The following GRIK4 variants were observed in gnomAD, a reference collection of about 807,000 sequenced individuals.
The protein encoded by GRIK4 is glutamate receptor ionotropic, kainate 4.
GRIK4 carries 40 observed loss-of-function variants against 104.9 expected under a neutral mutation model. That is an observed-to-expected ratio of 0.38 (90% CI 0.30 to 0.50). The LOEUF (loss-of-function observed/expected upper bound fraction) is 0.50. Ranked by LOEUF, GRIK4 falls within the 20% of genes least tolerant of loss-of-function variation. The probability of loss-of-function intolerance (pLI) is 0.93; values close to 1 mark genes in which losing one functional copy is unlikely to be tolerated. For missense variants in GRIK4, 1,047 were observed against 1,308.1 expected, an observed-to-expected ratio of 0.80 and a Z score of 3.08; for synonymous variants, 485 against 524.9, an observed-to-expected ratio of 0.92 and a Z score of 1.04.
intron 5 of GRIK4, among the ~76,000 whole-genome samples, chr11:120,817,354 C>T (rs1024357452): frequency 2.1e-4 from 32 of 152,340 alleles, no homozygotes; most frequent in Non-Finnish European, 5.9e-5. Flanking sequence ...GACTGCACTG[C>T]CCTGGGAGTG....
chr11:120,832,552 C>T (rs922258164), intron 7 of GRIK4, among the ~76,000 whole-genome samples: 1 of 152,186 alleles, frequency 6.6e-6, no homozygotes, highest in African/African-American at 2.4e-5. Context: ...GGTATAATGT[C>T]TTCCCTCACA....
chr11:120,581,945 T>A (rs1378484710), intron 1 of GRIK4, among the ~76,000 whole-genome samples: 3 of 152,072 alleles, frequency 2.0e-5, no homozygotes, highest in Non-Finnish European at 4.4e-5. Context: ...TAGCTGGGAC[T>A]ACAGGTGCCC....
chr11:120,962,351 AAGC>A, intron 17 of GRIK4, 102 bp from the exon 18 acceptor site: 1 of 690,290 alleles, frequency 1.4e-6, no homozygotes, highest in Admixed American at 2.5e-5. Flanking sequence ...GCGGGTGGAG[AAGC>A]AGAAGGGCCG....
intron 19 of GRIK4, among the ~76,000 whole-genome samples, chr11:120,978,447 CA>C (rs1187709685): frequency 6.6e-6 from 1 of 151,864 alleles, no homozygotes; most frequent in East Asian, 1.9e-4. Context: ...TTAACAGGAG[CA>C]AAGGTATGGA....
chr11:120,779,747 A>G (rs1952114810), intron 3 of GRIK4, among the ~76,000 whole-genome samples: 1 of 152,162 alleles, frequency 6.6e-6, no homozygotes, highest in African/African-American at 2.4e-5. Flanking sequence ...AAATCAAATC[A>G]TTGCTTCTCA....
At chr11:120,810,618 CTT>C (rs1295155747) in intron 4 of GRIK4, among the ~76,000 whole-genome samples, 1 of 151,868 alleles carries the variant, frequency 6.6e-6, no homozygotes, top group Non-Finnish European at 1.5e-5. Context: ...GAATAAAAAC[CTT>C]TTTATTAATA....
intron 3 of GRIK4, among the ~76,000 whole-genome samples, chr11:120,753,857 T>C (rs1308220416): frequency 6.6e-6 from 1 of 152,218 alleles, no homozygotes; most frequent in Non-Finnish European, 1.5e-5. Context: ...GTTTTTAATG[T>C]ATTTTAATGT....
rs143471218 is a variant in GRIK4, at chr11:120,929,494, AAGAC to A, written c.1477-10850_1477-10847del. 8.2e-3 allele frequency among the ~76,000 whole-genome samples: 1,246 copies of A among 152,250 alleles called. 29 individuals are homozygous for A. Among genetic ancestry groups the A allele is most frequent in the African/African-American group, 0.027 (1,141 of 41,542 alleles). On this transcript the variant is annotated intron_variant, in intron 13 of 20. Coordinates refer to ENST00000527524, the MANE Select transcript of GRIK4 (RefSeq NM_014619.5). ...AGCCGCCCGCAGGTAAACTGATCAA[AAGAC>A]AGGAAGTGAGCAGATAATCTAATTT...
At chr11:120,878,080 G>T (rs560562188) in intron 11 of GRIK4, among the ~76,000 whole-genome samples, 1 of 152,164 alleles carries the variant, frequency 6.6e-6, no homozygotes, top group Non-Finnish European at 1.5e-5. Flanking sequence ...AAGAAACAGC[G>T]TCATCAGCCC....
chr11:120,523,665 TG>T (rs1478646281), intron 1 of GRIK4, among the ~76,000 whole-genome samples: 1 of 152,212 alleles, frequency 6.6e-6, no homozygotes, highest in Non-Finnish European at 1.5e-5. Context: ...CAGCTGAACC[TG>T]GGCTTTGTGG....
intron 3 of GRIK4, among the ~76,000 whole-genome samples, chr11:120,735,107 T>C (rs1190744733): frequency 3.3e-5 from 5 of 152,200 alleles, no homozygotes; most frequent in Non-Finnish European, 5.9e-5. Context: ...AGGTCATGTT[T>C]TCCTGGCTGG....
chr11:120,544,390 G>C (rs1288477365), intron 1 of GRIK4, among the ~76,000 whole-genome samples: 6 of 152,074 alleles, frequency 3.9e-5, no homozygotes, highest in African/African-American at 4.8e-5. Flanking sequence ...GAGTGCAGTG[G>C]CATGATCTTG....
At chr11:120,880,226 C>T (rs1954929768) in intron 11 of GRIK4, among the ~76,000 whole-genome samples, 2 of 152,222 alleles carry the variant, frequency 1.3e-5, no homozygotes, top group Non-Finnish European at 2.9e-5. Context: ...ACTAGAATTG[C>T]ATGGCACAGT....
intron 1 of GRIK4, among the ~76,000 whole-genome samples, chr11:120,571,192 C>G (rs1012435353): frequency 1.3e-5 from 2 of 152,220 alleles, no homozygotes; most frequent in Non-Finnish European, 2.9e-5. Flanking sequence ...TTTACATTCC[C>G]TATTTCTGAG....
chr11:120,825,465 C>T (rs1168275461), intron 6 of GRIK4, among the ~76,000 whole-genome samples: 2 of 152,236 alleles, frequency 1.3e-5, no homozygotes, highest in East Asian at 3.8e-4. Context: ...CATGAGTTTT[C>T]CTTTCCTCCC....
intron 3 of GRIK4, among the ~76,000 whole-genome samples, chr11:120,706,445 G>A (rs1950630235): frequency 6.6e-6 from 1 of 152,150 alleles, no homozygotes; most frequent in African/African-American, 2.4e-5. Context: ...ATGTGGCATG[G>A]GGGAGCATGT....
At chr11:120,892,160 C>T (rs1345239417) in intron 11 of GRIK4, among the ~76,000 whole-genome samples, 7 of 151,958 alleles carry the variant, frequency 4.6e-5, no homozygotes, top group Admixed American at 2.0e-4. Context: ...AAGGCTGTGG[C>T]GGGAAGGAGC....
intron 1 of GRIK4, among the ~76,000 whole-genome samples, chr11:120,652,223 T>A (rs1949630046): frequency 6.6e-6 from 1 of 152,222 alleles, no homozygotes; most frequent in Non-Finnish European, 1.5e-5. Flanking sequence ...GTTCAGTTCT[T>A]ACAACTGCAG....
At chr11:120,929,876 A>AGCAT in intron 13 of GRIK4, among the ~76,000 whole-genome samples, 1 of 152,264 alleles carries the variant, frequency 6.6e-6, no homozygotes, top group South Asian at 2.1e-4. Flanking sequence ...TCGCATCCAC[A>AGCAT]GCATGACCTG....
Sources: gnomAD v4.1 joint callset for allele counts (sites outside exome capture counted in the v4.1 genomes callset) on GRCh38, gnomAD v4.1.1 for gene constraint, MANE v1.5 for transcripts, NCBI Gene and HGNC (gene_info 2026-07-23, HGNC 2026-07-21) for gene names.